IFT80: variants seen among roughly 807,000 people sequenced by gnomAD.
IFT80 encodes the protein intraflagellar transport 80, also known as intraflagellar transport protein 80 homolog.
In IFT80, 79 loss-of-function variants were observed where a neutral mutation model predicts 107.9. The ratio of observed to expected loss-of-function variants is 0.73; its 90% CI spans 0.61 to 0.88. The LOEUF is 0.88. Among genes scored for constraint, IFT80 ranks in the 40% least tolerant of loss-of-function variants. The pLI is 0.00. For synonymous variants in IFT80, 299 were observed against 300.9 expected, an observed-to-expected ratio of 0.99 and a Z score of 0.07; for missense variants, 797 against 914.2, an observed-to-expected ratio of 0.87 and a Z score of 1.65.
intron 5 of IFT80, among the ~76,000 whole-genome samples, chr3:160,367,310 C>A (rs192293856): frequency 6.6e-6 from 1 of 152,070 alleles, no homozygotes; most frequent in African/African-American, 2.4e-5. Context: ...GGAGTTATAG[C>A]CATCAGTATT....
chr3:160,361,779 G>A (rs1721509016), intron 6 of IFT80, among the ~76,000 whole-genome samples: 1 of 152,066 alleles, frequency 6.6e-6, no homozygotes, highest in African/African-American at 2.4e-5. Flanking sequence ...AATGACTACT[G>A]GGTACATAAC....
chr3:160,304,424 C>T lies in IFT80; in HGVS notation c.1077-435G>A, dbSNP rs985043709. Among the ~76,000 whole-genome samples, 23 of 147,964 alleles carry T rather than the reference C, an allele frequency of 1.6e-4. 1 individual carries two copies. The highest frequency in any genetic ancestry group is 5.7e-4 in the African/African-American group (23 of 40,622). On this transcript the variant is annotated intron_variant, in intron 10 of 19. Coordinates refer to ENST00000326448, the MANE Select transcript of IFT80 (RefSeq NM_020800.3). The stretch of plus-strand genomic sequence containing the variant: ...ATATGGTTTCACCACCTGTCAGCCA[C>T]TTGATTTTTTCTTTTTTTTTTTTTT...
rs141134950 is a variant in IFT80, at chr3:160,319,871, A to T, written c.846T>A (p.Thr282=). 1 of 1,612,812 alleles carries T rather than the reference A, an allele frequency of 6.2e-7. No homozygotes were observed. The highest frequency in any genetic ancestry group is 8.5e-7 in the Non-Finnish European group (1 of 1,179,240). Residue 282 remains threonine (T), a synonymous_variant, in exon 9 of 20, where the codon ACT becomes ACA. Coordinates refer to ENST00000326448, the MANE Select transcript of IFT80 (RefSeq NM_020800.3). ...IFNIAWSIDG[T]QIAGACGNGH... ...CATTTCCACAGGCTCCAGCAATCTG[A>T]GTGCCATCGATAGACCATGCAATAT... is the stretch of plus-strand genomic sequence containing the variant.
chr3:160,347,553 G>C (rs1334877947), intron 8 of IFT80, among the ~76,000 whole-genome samples: 1 of 152,094 alleles, frequency 6.6e-6, no homozygotes, highest in East Asian at 1.9e-4. Flanking sequence ...ATCTAAAGAG[G>C]AAGGAAAAGA....
chr3:160,281,381 T>G (rs1336299909), intron 14 of IFT80, among the ~76,000 whole-genome samples: 1 of 152,174 alleles, frequency 6.6e-6, no homozygotes, highest in Non-Finnish European at 1.5e-5. Context: ...TTGTCCATTT[T>G]CCCCATAGAA....
chr3:160,336,134 G>A (rs777408131), intron 8 of IFT80, among the ~76,000 whole-genome samples: 32 of 152,226 alleles, frequency 2.1e-4, no homozygotes, highest in African/African-American at 5.5e-4. Flanking sequence ...GTGAACATAC[G>A]TTTTCATTTC....
At chr3:160,366,371 T>C (rs934727001) in intron 5 of IFT80, among the ~76,000 whole-genome samples, 4 of 152,050 alleles carry the variant, frequency 2.6e-5, no homozygotes, top group African/African-American at 9.7e-5. Flanking sequence ...ACTGACATAC[T>C]ATATTTTTAA....
chr3:160,330,962 T>A (rs1719047033), intron 8 of IFT80, among the ~76,000 whole-genome samples: 1 of 152,202 alleles, frequency 6.6e-6, no homozygotes, highest in African/African-American at 2.4e-5. Context: ...TACTGTACTA[T>A]CTATATAACA....
intron 14 of IFT80, among the ~76,000 whole-genome samples, chr3:160,281,523 T>C (rs1319699152): frequency 1.3e-5 from 2 of 152,290 alleles, no homozygotes; most frequent in South Asian, 2.1e-4. Flanking sequence ...AGGCTGTTGT[T>C]AAGCTGTCTC....
chr3:160,338,631 CAA>C (rs539462708), intron 8 of IFT80, among the ~76,000 whole-genome samples: 53 of 110,390 alleles, frequency 4.8e-4, no homozygotes, highest in East Asian at 8.3e-4. Flanking sequence ...GACCCTGTCT[CAA>C]AAAAAAAAAA....
chr3:160,277,696 T>A lies in IFT80; in HGVS notation c.1837-26A>T, dbSNP rs370405434. The A allele has an allele frequency of 2.6e-5, 39 of 1,475,138 alleles. No individual in the cohort carries two copies. In the African/African-American group the frequency reaches 5.3e-4, roughly 20 times the overall value. 91.4% of individuals were successfully genotyped at this position (1,475,138 alleles called of 1,614,324 possible). A position where few individuals can be genotyped will look rare whatever the true frequency, so the allele number is the denominator to read the frequency against. ...CTAAAGTAAAGTATGAGAACAATTA[T>A]CTTAACTATGTGACTGAACTGCCTT... On this transcript the variant is annotated intron_variant, in intron 16 of 19. Transcript: ENST00000326448.
intron 6 of IFT80, among the ~76,000 whole-genome samples, chr3:160,364,807 A>G (rs118019154): frequency 6.6e-6 from 1 of 152,020 alleles, no homozygotes; most frequent in East Asian, 1.9e-4. Context: ...AACAATAAGA[A>G]CACTTGTACA....
At position 160,317,450 on chromosome 3, in the gene IFT80, T is replaced by C. The variant is rs143762020; in HGVS notation, c.957+2310A>G. 1.2e-3 allele frequency among the ~76,000 whole-genome samples: 177 copies of C among 152,224 alleles called. 2 individuals are homozygous for C. Among genetic ancestry groups the C allele is most frequent in the Middle Eastern group, 3.4e-3 (1 of 294 alleles). Reference sequence around the variant, plus strand: ...CATCACTAGGATAATTCCTTCTTATTATGAAAGAAGAACTCCTCTTTCTAG... The same window carrying C: ...CATCACTAGGATAATTCCTTCTTATCATGAAAGAAGAACTCCTCTTTCTAG... On this transcript the variant is annotated intron_variant, in intron 9 of 19. Coordinates refer to ENST00000326448, the MANE Select transcript of IFT80 (RefSeq NM_020800.3).
chr3:160,381,994 G>T (rs1712554937), intron 2 of IFT80, among the ~76,000 whole-genome samples: 1 of 152,072 alleles, frequency 6.6e-6, no homozygotes. Flanking sequence ...TAAAACTTGT[G>T]TTATACAATA....
chr3:160,307,518 C>T (rs1716913471), intron 10 of IFT80, 145 bp downstream of exon 10: 1 of 701,476 alleles, frequency 1.4e-6, no homozygotes, highest in Non-Finnish European at 2.6e-6. Context: ...CTTTCTCTCA[C>T]TTCCGGGTTT....
intron 5 of IFT80, 106 bp from the exon 6 acceptor site, chr3:160,366,258 T>C: frequency 1.3e-6 from 1 of 778,994 alleles, no homozygotes; most frequent in Non-Finnish European, 2.2e-6. Flanking sequence ...GAGGTGTCAT[T>C]TCATTTCTTC....
At chr3:160,371,530 G>A (rs1275548966) in intron 5 of IFT80, among the ~76,000 whole-genome samples, 1 of 152,022 alleles carries the variant, frequency 6.6e-6, no homozygotes, top group African/African-American at 2.4e-5. Context: ...TAGCCCCAAC[G>A]CCCACGGGCT....
chr3:160,357,462 C>A, intron 7 of IFT80, 27 bp downstream of exon 7: 1 of 1,169,624 alleles, frequency 8.5e-7, no homozygotes, highest in Non-Finnish European at 1.3e-6. Context: ...TTATTTCAGC[C>A]AAGTGATAAA....
intron 8 of IFT80, among the ~76,000 whole-genome samples, chr3:160,323,936 A>C (rs1016390641): frequency 7.9e-5 from 12 of 152,184 alleles, no homozygotes; most frequent in African/African-American, 2.2e-4. Context: ...ATAAAAAATG[A>C]TAAAGGGGAT....
Sources: gnomAD v4.1 joint callset for allele counts (sites outside exome capture counted in the v4.1 genomes callset) on GRCh38, gnomAD v4.1.1 for gene constraint, MANE v1.5 for transcripts, NCBI Gene and HGNC (gene_info 2026-07-23, HGNC 2026-07-21) for gene names.